ZCWPW2: variants seen among roughly 807,000 people sequenced by gnomAD.
ZCWPW2 encodes zinc finger CW-type PWWP domain protein 2.
ZCWPW2 carries 45 observed loss-of-function variants against 46.6 expected under a neutral mutation model. That is an observed-to-expected ratio of 0.96 (90% CI 0.76 to 1.24). The LOEUF (loss-of-function observed/expected upper bound fraction) is 1.24, where lower values mean the gene tolerates loss of function less well. Ranked by LOEUF, ZCWPW2 falls within the 50% of genes most tolerant of loss-of-function variation. The pLI is 0.00. For missense variants in ZCWPW2, 429 were observed against 403.9 expected (o/e 1.06, Z -0.53); for synonymous variants, 152 against 137.1 (o/e 1.11, Z -0.76).
At chr3:28,478,992 CA>C in intron 5 of ZCWPW2, 61 bp downstream of exon 5, 1 of 1,099,886 alleles carries the variant, frequency 9.1e-7, no homozygotes, top group Non-Finnish European at 1.3e-6. Flanking sequence ...GCATGTTTTC[CA>C]AAATATGTTT....
At chr3:28,524,457 T>A in intron 9 of ZCWPW2, 70 bp from the exon 10 acceptor site, 2 of 1,516,580 alleles carry the variant, frequency 1.3e-6, no homozygotes, top group African/African-American at 2.8e-5. Flanking sequence ...GCAGAATTAC[T>A]ACTTTATGTT....
chr3:28,425,243 T>C (rs1559499196), intron 3 of ZCWPW2, among the ~76,000 whole-genome samples: 1 of 152,198 alleles, frequency 6.6e-6, no homozygotes, highest in Non-Finnish European at 1.5e-5. Flanking sequence ...GAGAGTAGAA[T>C]GCATCTGGCT....
At chr3:28,500,211 ATGT>A (rs2125823804) in intron 6 of ZCWPW2, among the ~76,000 whole-genome samples, 1 of 152,160 alleles carries the variant, frequency 6.6e-6, no homozygotes. Flanking sequence ...TATAATAAAG[ATGT>A]TGTTGCCAGT....
At chr3:28,432,529 G>A (rs997709482) in intron 3 of ZCWPW2, among the ~76,000 whole-genome samples, 1 of 152,212 alleles carries the variant, frequency 6.6e-6, no homozygotes, top group South Asian at 2.1e-4. Context: ...GACCTTATTT[G>A]CTGTCTTCCC....
intron 5 of ZCWPW2, among the ~76,000 whole-genome samples, chr3:28,479,600 T>G (rs774199787): frequency 2.0e-5 from 3 of 152,190 alleles, no homozygotes; most frequent in African/African-American, 4.8e-5. Flanking sequence ...TGGAGATGTG[T>G]TATAAAGATA....
intron 1 of ZCWPW2, among the ~76,000 whole-genome samples, chr3:28,387,987 TC>T (rs1333549029): frequency 1.3e-5 from 2 of 152,124 alleles, no homozygotes; most frequent in Non-Finnish European, 2.9e-5. Context: ...AGCAATTGGC[TC>T]ATGTGATTGT....
At chr3:28,371,969 T>TTCC (rs34265386) in intron 1 of ZCWPW2, among the ~76,000 whole-genome samples, 14 of 150,782 alleles carry the variant, frequency 9.3e-5, no homozygotes, top group African/African-American at 1.5e-4. Flanking sequence ...TCCTTCTTCT[T>TTCC]TCCTCCTCCT....
chr3:28,427,186 A>G (rs972739522), intron 3 of ZCWPW2, among the ~76,000 whole-genome samples: 3 of 152,226 alleles, frequency 2.0e-5, no homozygotes, highest in African/African-American at 7.2e-5. Flanking sequence ...AAATCTCCTG[A>G]TAATGCTTCA....
At chr3:28,349,501 A>T (rs1704449025) in intron 1 of ZCWPW2, among the ~76,000 whole-genome samples, 1 of 152,178 alleles carries the variant, frequency 6.6e-6, no homozygotes, top group Non-Finnish European at 1.5e-5. Context: ...TTCACAAACG[A>T]CACCACGACT....
At chr3:28,434,961 A>G in intron 3 of ZCWPW2, 149 bp from the exon 4 acceptor site, 1 of 818,346 alleles carries the variant, frequency 1.2e-6, no homozygotes, top group Non-Finnish European at 1.9e-6. Flanking sequence ...TCAAACAAAT[A>G]TCCTACCTTT....
chr3:28,462,764 C>T (rs750968262), intron 4 of ZCWPW2, among the ~76,000 whole-genome samples: 2 of 152,130 alleles, frequency 1.3e-5, no homozygotes, highest in South Asian at 2.1e-4. Context: ...TTTCTCTCCA[C>T]GGGCCTCACT....
chr3:28,359,633 T>G (rs1362948330), intron 1 of ZCWPW2, among the ~76,000 whole-genome samples: 1 of 151,632 alleles, frequency 6.6e-6, no homozygotes, highest in African/African-American at 2.4e-5. Context: ...TGTAAATGAT[T>G]TTCATCCTTA....
intron 1 of ZCWPW2, among the ~76,000 whole-genome samples, chr3:28,382,173 A>G (rs1298741404): frequency 6.6e-6 from 1 of 151,858 alleles, no homozygotes; most frequent in Non-Finnish European, 1.5e-5. Flanking sequence ...AAAAAAAAAA[A>G]AAAAAAAAGA....
At chr3:28,448,057 C>A (rs1698064992) in intron 4 of ZCWPW2, 1 of 319,280 alleles carries the variant, frequency 3.1e-6, no homozygotes, top group African/African-American at 2.1e-5. Context: ...GGTACAAACA[C>A]AGAGTCAGAA....
chr3:28,370,685 C>G (rs931893226), intron 1 of ZCWPW2, among the ~76,000 whole-genome samples: 1 of 152,148 alleles, frequency 6.6e-6, no homozygotes, highest in African/African-American at 2.4e-5. Context: ...TTGAGCCATG[C>G]AGTTATAATT....
chr3:28,476,916 C>A (rs969072227), intron 4 of ZCWPW2, among the ~76,000 whole-genome samples: 9 of 152,054 alleles, frequency 5.9e-5, no homozygotes, highest in African/African-American at 2.2e-4. Flanking sequence ...CCACAGCTGA[C>A]GTGACAGGAG....
At chr3:28,419,955 C>T (rs1050638665) in intron 3 of ZCWPW2, among the ~76,000 whole-genome samples, 26 of 134,990 alleles carry the variant, frequency 1.9e-4, no homozygotes, top group South Asian at 2.6e-4. Context: ...GGATAGCATT[C>T]GGAGATATAC....
chr3:28,485,887 T>C (rs1699583658), intron 5 of ZCWPW2, among the ~76,000 whole-genome samples: 1 of 152,106 alleles, frequency 6.6e-6, no homozygotes, highest in South Asian at 2.1e-4. Flanking sequence ...TCTTTTTCTG[T>C]CTTTGTGATT....
At position 28,405,563 on chromosome 3, in the gene ZCWPW2, C is replaced by A. The variant is rs573590970; in HGVS notation, c.-13-7493C>A. Among the ~76,000 whole-genome samples the A allele has an allele frequency of 4.6e-5, 7 of 152,260 alleles. 1 individual carries two copies. The East Asian group carries it at 1.4e-3, about 29-fold the overall frequency. On this transcript the variant is annotated intron_variant, in intron 2 of 9. Transcript: ENST00000383768. ...CAATCTTGGCTCACTGCAACCTCTGCCTTCCAGTTTCAAGTGATTCTCCTG... is the reference window on the plus strand; with the variant it reads ...CAATCTTGGCTCACTGCAACCTCTGACTTCCAGTTTCAAGTGATTCTCCTG...
Sources: gnomAD v4.1 joint callset for allele counts (sites outside exome capture counted in the v4.1 genomes callset) on GRCh38, gnomAD v4.1.1 for gene constraint, MANE v1.5 for transcripts, NCBI Gene and HGNC (gene_info 2026-07-23, HGNC 2026-07-21) for gene names.